GGT1: variants seen among roughly 807,000 people sequenced by gnomAD.
GGT1 encodes gamma-glutamyltransferase 1.
Under a neutral mutation model 56.0 loss-of-function variants are expected in GGT1, and 21 were observed. That is an observed-to-expected ratio of 0.38 (90% CI 0.27 to 0.54). The LOEUF is 0.54. GGT1 is among the 20% of genes least tolerant of loss of function. The pLI is 0.82. For synonymous variants in GGT1, 238 were observed against 342.6 expected (o/e 0.69, Z 3.37); for missense variants, 466 against 787.0 (o/e 0.59, Z 4.88).
the GGT1 span, among the ~76,000 whole-genome samples, chr22:24,584,198 A>G: frequency 6.6e-6 from 1 of 152,146 alleles, no homozygotes; most frequent in African/African-American, 2.4e-5. Flanking sequence ...GCCAGTCCCT[A>G]AAACAAGGAG....
rs557577041 is a variant in GGT1 at position 24,623,176 on chromosome 22, G to A, written c.803G>A (p.Ser268Asn). The change falls in exon 10 of 16, where the codon AGC becomes AAC. Residue 268 changes from serine to asparagine, a missense_variant. Transcript: ENST00000400382. ...CTGATCGAGCACCCGCTGAACATCA[G>A]CCTGGGAGACGTGGTGCTGTACATG... The part of the protein sequence containing the change: ...AELIEHPLNI[S>N]LGDVVLYMPS... 2 of 1,598,696 alleles carry A rather than the reference G, an allele frequency of 1.3e-6. No individual in the cohort carries two copies. Among genetic ancestry groups the A allele is most frequent in the Admixed American group, 1.7e-5 (1 of 58,778 alleles).
chr22:24,589,653 G>C, the GGT1 span: 4 of 791,644 alleles, frequency 5.1e-6, no homozygotes, highest in Non-Finnish European at 7.6e-6. Flanking sequence ...CTGGTGGCCA[G>C]CCTAATATAC....
chr22:24,614,606 C>G (rs2046936932), intron 5 of GGT1, among the ~76,000 whole-genome samples, 170 bp from the exon 6 acceptor site: 1 of 140,816 alleles, frequency 7.1e-6, no homozygotes, highest in Non-Finnish European at 1.5e-5. Flanking sequence ...TAGAGCAAGA[C>G]TCCATCTCAA....
rs4049830 is a variant in GGT1, at chr22:24,623,400, T to C, written c.883+144T>C. The C allele has an allele frequency of 0.26, 250,473 of 954,610 alleles. 44,444 individuals carry two copies. Among genetic ancestry groups the C allele is most frequent in the African/African-American group, 0.6 (33,949 of 56,666 alleles). 59.1% of individuals were successfully genotyped at this position (954,610 alleles called of 1,614,324 possible). On this transcript the variant is annotated intron_variant, in intron 10 of 15. Transcript: ENST00000400382. Reference sequence around the variant, plus strand: ...CCCGAGGTGTGTCCCTGCGTCACAGTTCACCATGTCCTGAAGGAGGCAGTG... The same window carrying C: ...CCCGAGGTGTGTCCCTGCGTCACAGCTCACCATGTCCTGAAGGAGGCAGTG...
upstream of GGT1, among the ~76,000 whole-genome samples, chr22:24,594,295 C>T (rs1382160643): frequency 6.6e-6 from 1 of 151,934 alleles, no homozygotes; most frequent in African/African-American, 2.4e-5. Context: ...GCAAGGAGCA[C>T]GTGTTTAGCC....
At chr22:24,586,332 C>T in the GGT1 span, 104 of 1,613,966 alleles carry the variant, frequency 6.4e-5, no homozygotes, top group Middle Eastern at 3.3e-4. Flanking sequence ...ATGTGTTGCA[C>T]GTCCTGTGTC....
At chr22:24,603,578 C>A (rs1384956449) in intron 1 of GGT1, 51 bp downstream of exon 1, 2 of 152,364 alleles carry the variant, frequency 1.3e-5, no homozygotes, top group Non-Finnish European at 2.9e-5. Context: ...CTGGGGGCCT[C>A]TGTTTCTTGG....
upstream of GGT1, among the ~76,000 whole-genome samples, chr22:24,600,650 C>T (rs555810741): frequency 6.6e-6 from 1 of 152,352 alleles, no homozygotes. Context: ...CACAGCTGGC[C>T]TGTGCTGACC....
At chr22:24,595,356 C>T (rs1034049858) in intron 1 of GGT1, among the ~76,000 whole-genome samples, 2 of 152,176 alleles carry the variant, frequency 1.3e-5, no homozygotes, top group African/African-American at 4.8e-5. Flanking sequence ...CACAGCTCTC[C>T]CCTCAGGCAT....
chr22:24,608,529 A>G (rs1039656895), intron 2 of GGT1, among the ~76,000 whole-genome samples: 1 of 152,254 alleles, frequency 6.6e-6, no homozygotes, highest in Non-Finnish European at 1.5e-5. Flanking sequence ...GGCACTCAGC[A>G]TGACCCGGCC....
At chr22:24,606,089 T>C (rs1296575398) in intron 1 of GGT1, among the ~76,000 whole-genome samples, 1 of 106,818 alleles carries the variant, frequency 9.4e-6, no homozygotes. Context: ...TCATATATTA[T>C]ATTTATATAA....
chr22:24,621,648 T>A (rs1000826893), intron 9 of GGT1, among the ~76,000 whole-genome samples: 1 of 152,140 alleles, frequency 6.6e-6, no homozygotes. Context: ...CAATACCCTG[T>A]CTGTCTGGAG....
At chr22:24,587,111 C>G in the GGT1 span, among the ~76,000 whole-genome samples, 1 of 152,176 alleles carries the variant, frequency 6.6e-6, no homozygotes, top group Non-Finnish European at 1.5e-5. Context: ...GACTCTTGAG[C>G]CCACATGTTT....
chr22:24,621,877 C>G, intron 9 of GGT1, among the ~76,000 whole-genome samples: 1 of 151,422 alleles, frequency 6.6e-6, no homozygotes, highest in East Asian at 2.0e-4. Context: ...ATGGCGAAAC[C>G]CTGTCTCTAC....
At chr22:24,615,878 G>A (rs1389316963) in intron 7 of GGT1, 3 of 152,196 alleles carry the variant, frequency 2.0e-5, no homozygotes, top group Non-Finnish European at 4.4e-5. Flanking sequence ...AGGAGGCCAA[G>A]TCAGGAGGAG....
chr22:24,585,706 CCT>C, the GGT1 span: 1 of 704,012 alleles, frequency 1.4e-6, no homozygotes, highest in Non-Finnish European at 2.3e-6. Flanking sequence ...GAAGGCTGAG[CCT>C]CTAGCCAGGG....
rs771623407 is a variant in GGT1 at position 24,611,183 on chromosome 22, C to A, written c.102C>A (p.Asp34Glu). Residue 34 changes from aspartate to glutamate, a missense_variant, in exon 5 of 16, where the codon GAC becomes GAA. This residue lies in a region of GGT1 where 456 missense variants were observed against 716.7 expected (regional missense o/e 0.64). Coordinates refer to ENST00000400382, the MANE Select transcript of GGT1 (RefSeq NM_001288833.2). ...LWLPSASKEP[D>E]NHVYTRAAVA... ...TGCCCTCAGCCTCCAAGGAACCTGA[C>A]AACCATGTGTACACCAGGGCTGCCG... The A allele has an allele frequency of 1.2e-5, 19 of 1,592,508 alleles. 2 individuals are homozygous for A. In the South Asian group the frequency reaches 2.2e-4, roughly 18 times the overall value.
rs1466761260 is a variant in GGT1, at chr22:24,606,010, A to G, written c.-428-1944A>G. ...TATATTTATATAATTTATATAATATATCATATATTATATTTATATAATTTA... is the reference window on the plus strand; with the variant it reads ...TATATTTATATAATTTATATAATATGTCATATATTATATTTATATAATTTA... On this transcript the variant is annotated intron_variant, in intron 1 of 15. Transcript: ENST00000400382. Among the ~76,000 whole-genome samples the G allele has an allele frequency of 6.2e-5, 2 of 32,272 alleles. 1 individual carries two copies. The highest frequency in any genetic ancestry group is 2.7e-4 in the African/African-American group (2 of 7,456). The allele number at this position is 32,272 out of a possible 152,430, so 21.2% of individuals were successfully genotyped here. A position where few individuals can be genotyped will look rare whatever the true frequency, so the allele number is the denominator to read the frequency against.
chr22:24,613,101 G>C (rs2046823521), intron 5 of GGT1, among the ~76,000 whole-genome samples: 1 of 150,728 alleles, frequency 6.6e-6, no homozygotes, highest in African/African-American at 2.4e-5. Context: ...TTTGAGACAG[G>C]GTCTTGTTCT....
Sources: allele counts gnomAD v4.1 joint callset (sites outside exome capture counted in the v4.1 genomes callset), GRCh38; gene constraint gnomAD v4.1.1; regional missense constraint gnomAD v4.1.1; transcripts MANE v1.5; gene names NCBI Gene and HGNC (gene_info 2026-07-23, HGNC 2026-07-21).